The following ATP1A3 variants were observed in gnomAD, a reference collection of about 807,000 sequenced individuals.
ATP1A3 encodes the protein ATPase Na+/K+ transporting subunit alpha 3.
Under a neutral mutation model 108.8 loss-of-function variants are expected in ATP1A3, and 12 were observed. The ratio of observed to expected loss-of-function variants is 0.11; its 90% confidence interval spans 0.07 to 0.18. ATP1A3 has a LOEUF of 0.18. ATP1A3 is among the 10% of genes least tolerant of loss of function. The pLI is 1.00. For missense variants in ATP1A3, 498 were observed against 1,387.7 expected, an observed-to-expected ratio of 0.36 and a Z score of 10.19; for synonymous variants, 539 against 564.5, an observed-to-expected ratio of 0.95 and a Z score of 0.64.
intron 16 of ATP1A3, among the ~76,000 whole-genome samples, chr19:41,973,787 G>A (rs918433068): frequency 6.6e-6 from 1 of 152,264 alleles, no homozygotes; most frequent in Non-Finnish European, 1.5e-5. Flanking sequence ...CCAGCATGAT[G>A]CACAAGATTC....
rs782662538 is a variant in ATP1A3, at chr19:41,986,203, G to C, written c.384C>G (p.Ala128=). 2.5e-6 allele frequency: 4 copies of C among 1,613,896 alleles called. No individual in the cohort carries two copies. Among genetic ancestry groups the C allele is most frequent in the Non-Finnish European group, 2.5e-6 (3 of 1,180,002 alleles). ...DNLYLGIVLA[A]VVIITGCFSY... is the part of the protein sequence containing the mutation. ...AGAAGCAGCCAGTGATGATCACCAC[G>C]GCCGCCAGCACGATGCCCAGGTACA... The change falls in exon 5 of 23, where the codon GCC becomes GCG. Residue 128 remains alanine, a synonymous_variant. Coordinates refer to ENST00000648268, the MANE Select transcript of ATP1A3 (RefSeq NM_152296.5).
In ATP1A3 at chr19:41,974,538, T is replaced by C. The variant is rs960285211; in HGVS notation, c.2263+1091A>G. On this transcript the variant is annotated intron_variant, in intron 16 of 22. Coordinates refer to ENST00000648268, the MANE Select transcript of ATP1A3 (RefSeq NM_152296.5). ...ATAGGAGACAAGGGCTGAGGACATTTAATCTGTTACTCTGGGCTCGGCTTT... is the reference window on the plus strand; with the variant it reads ...ATAGGAGACAAGGGCTGAGGACATTCAATCTGTTACTCTGGGCTCGGCTTT... 2.0e-5 allele frequency among the ~76,000 whole-genome samples: 3 copies of C among 152,218 alleles called. No individual in the cohort carries two copies. The East Asian group carries it at 5.8e-4, about 29-fold the overall frequency.
chr19:41,990,531 G>A (rs183961049), intron 1 of ATP1A3, among the ~76,000 whole-genome samples: 29 of 124,990 alleles, frequency 2.3e-4, no homozygotes, highest in Admixed American at 1.4e-3. Context: ...CAAATCTTCC[G>A]TCCCCCTCCT....
In ATP1A3 at chr19:41,970,506, G is replaced by A; in HGVS notation, c.2300C>T (p.Ala767Val). ...LIFDNLKKSIAYTLTSNIPEI... is the reference protein window; with the variant it reads ...LIFDNLKKSIVYTLTSNIPEI... The stretch of plus-strand genomic sequence containing the variant: ...CGGGATATTGCTGGTCAGGGTGTAG[G>A]CAATGGACTTCTTTAGGTTGTCGAA... The change falls in exon 17 of 23, where the codon GCC becomes GTC. Residue 767 changes from alanine (A) to valine (V), a missense_variant. This residue lies in a region of ATP1A3 where 121 missense variants were observed against 425.1 expected (regional missense o/e 0.28). Coordinates refer to ENST00000648268, the MANE Select transcript of ATP1A3 (RefSeq NM_152296.5). 5 of 1,614,166 alleles carry A rather than the reference G, an allele frequency of 3.1e-6. No individual in the cohort carries two copies. Among genetic ancestry groups the A allele is most frequent in the Non-Finnish European group, 4.2e-6 (5 of 1,180,024 alleles).
At position 41,978,126 on chromosome 19, in the gene ATP1A3, C is replaced by T; in HGVS notation, c.1806+25G>A. 6.2e-7 allele frequency: 1 copy of T among 1,614,236 alleles called. No individual in the cohort carries two copies. Among genetic ancestry groups the T allele is most frequent in the Non-Finnish European group, 8.5e-7 (1 of 1,180,042 alleles). The stretch of plus-strand genomic sequence containing the variant: ...TCTCCCGCCCCACGCCTGGCTTTGC[C>T]TCCCCCAGCCACCCCAAGCCACACC... On this transcript the variant is annotated intron_variant, in intron 13 of 22. Transcript: ENST00000648268. The surrounding 1 kb of genome is among the most constrained non-coding windows in gnomAD (Gnocchi z 8.3).
chr19:41,967,522 G>A lies in ATP1A3; in HGVS notation c.2921+140C>T, dbSNP rs1168242503. ...GTAATCCGTGGTGGGAGCAGCCTAT[G>A]GGGGAGGCTCGGGGGCATCAGAATG... On this transcript the variant is annotated intron_variant, in intron 21 of 22. Coordinates refer to ENST00000648268, the MANE Select transcript of ATP1A3 (RefSeq NM_152296.5). This position sits in a 1 kb window ranked among gnomAD's most constrained non-coding sequence, Gnocchi z 4.2. 7 of 1,162,838 alleles carry A rather than the reference G, an allele frequency of 6.0e-6. No individual in the cohort carries two copies. Among genetic ancestry groups the A allele is most frequent in the Non-Finnish European group, 8.6e-6 (7 of 814,964 alleles). The allele number at this position is 1,162,838 out of a possible 1,614,324, so 72.0% of individuals were successfully genotyped here. A position where few individuals can be genotyped will look rare whatever the true frequency, so the allele number is the denominator to read the frequency against.
intron 8 of ATP1A3, among the ~76,000 whole-genome samples, chr19:41,983,402 A>G (rs1555864141): frequency 2.0e-5 from 3 of 151,796 alleles, no homozygotes; most frequent in Non-Finnish European, 4.4e-5. Context: ...TTCACATAAA[A>G]CATTAAGTCA....
rs2075233403 is a variant in ATP1A3 at position 41,981,675 on chromosome 19, G to C, written c.1303-39C>G. ...GGGTTGTCAGAACAGGGACAGCTGA[G>C]GGGAGGACACAGGCAGGGCCGAGGT... is the stretch of plus-strand genomic sequence containing the variant. On this transcript the variant is annotated intron_variant, in intron 10 of 22. Transcript: ENST00000648268. This position sits in a 1 kb window ranked among gnomAD's most constrained non-coding sequence, Gnocchi z 5.0. 1.2e-6 allele frequency: 2 copies of C among 1,614,162 alleles called. No homozygotes were observed. Among genetic ancestry groups the C allele is most frequent in the Non-Finnish European group, 1.7e-6 (2 of 1,180,008 alleles).
At chr19:41,972,868 A>C (rs1555860237) in intron 16 of ATP1A3, among the ~76,000 whole-genome samples, 1 of 119,482 alleles carries the variant, frequency 8.4e-6, no homozygotes, top group African/African-American at 3.8e-5. Context: ...GAAAGAAGGA[A>C]GGAAGGCAGG....
chr19:41,993,503 A>G (rs1322420268), intron 1 of ATP1A3: 11 of 2,086 alleles, frequency 5.3e-3, no homozygotes, highest in South Asian at 0.042. Context: ...CGGAGCCTGC[A>G]CACACACACA....
rs1555865439 is a variant in ATP1A3 at position 41,986,247 on chromosome 19, G to A, written c.358-18C>T. 1 of 1,612,814 alleles carries A rather than the reference G, an allele frequency of 6.2e-7. No individual in the cohort carries two copies. Among genetic ancestry groups the A allele is most frequent in the East Asian group, 2.2e-5 (1 of 44,856 alleles). On this transcript the variant is annotated intron_variant, in intron 4 of 22. Coordinates refer to ENST00000648268, the MANE Select transcript of ATP1A3 (RefSeq NM_152296.5). ...AGGTACAGCTGTGGGGAGATGTGGG[G>A]ATGTTGATCAGGGGCCGCCCAAGCC... is the stretch of plus-strand genomic sequence containing the variant.
In ATP1A3 at chr19:41,990,291, C is replaced by G. The variant is rs549672176; in HGVS notation, c.7-1729G>C. Among the ~76,000 whole-genome samples the G allele has an allele frequency of 2.6e-4, 40 of 151,630 alleles. 1 individual carries two copies. The South Asian group carries it at 8.2e-3, about 31-fold the overall frequency. ...TCTCTCTCTGGGATCTCCTCTCTATCTCTGAATCTCTCTTTCTCTCTCACT... is the reference window on the plus strand; with the variant it reads ...TCTCTCTCTGGGATCTCCTCTCTATGTCTGAATCTCTCTTTCTCTCTCACT... On this transcript the variant is annotated intron_variant, in intron 1 of 22. Coordinates refer to ENST00000648268, the MANE Select transcript of ATP1A3 (RefSeq NM_152296.5).
Position 41,994,090 on chromosome 19 carries a change from CG to C in ATP1A3, c.-15del. On this transcript the variant is annotated 5_prime_UTR_variant, in exon 1 of 23. Coordinates refer to ENST00000648268, the MANE Select transcript of ATP1A3 (RefSeq NM_152296.5). ...ACCTACCCCCATCTTGGCGGCTCCG[CG>C]GCGAGAGAGCCAGGCGGGCGGGGCG... The C allele has an allele frequency of 6.3e-7, 1 of 1,593,790 alleles. No homozygotes were observed. The highest frequency in any genetic ancestry group is 8.5e-7 in the Non-Finnish European group (1 of 1,173,248).
rs782429756 is a variant in ATP1A3 at position 41,981,883 on chromosome 19, G to A, written c.1192+25C>T. On this transcript the variant is annotated intron_variant, in intron 9 of 22. Coordinates refer to ENST00000648268, the MANE Select transcript of ATP1A3 (RefSeq NM_152296.5). This position sits in a 1 kb window ranked among gnomAD's most constrained non-coding sequence, Gnocchi z 5.0. ...GGACTCCTGGAGCCAGGCCCCCATG[G>A]TCCTCACCCGGGGCCTGCGCTCACC... The A allele has an allele frequency of 1.2e-6, 2 of 1,614,208 alleles. No individual in the cohort carries two copies. The highest frequency in any genetic ancestry group is 3.3e-5 in the Admixed American group (2 of 60,028).
intron 18 of ATP1A3, 151 bp downstream of exon 18, chr19:41,970,034 T>A: frequency 7.6e-7 from 1 of 1,311,220 alleles, no homozygotes; most frequent in Non-Finnish European, 1.1e-6. Context: ...AAGGATGGGG[T>A]GCAGACCCCC....
chr19:41,973,870 G>A (rs1194899963), intron 16 of ATP1A3, among the ~76,000 whole-genome samples: 12 of 152,238 alleles, frequency 7.9e-5, no homozygotes, highest in East Asian at 5.8e-4. Flanking sequence ...GAGGCCAGGC[G>A]TGGTGGCTCA....
At chr19:41,966,990 A>G (rs1428812294) in intron 22 of ATP1A3, 25 bp from the exon 23 acceptor site, 3 of 1,551,484 alleles carry the variant, frequency 1.9e-6, no homozygotes, top group African/African-American at 1.4e-5. Flanking sequence ...AAGGAAAGAA[A>G]GAGACAGAGT....
At position 41,966,915 on chromosome 19, in the gene ATP1A3, G is replaced by A. The variant is rs1285364074; in HGVS notation, c.*22C>T. On this transcript the variant is annotated 3_prime_UTR_variant, in exon 23 of 23. Coordinates refer to ENST00000648268, the MANE Select transcript of ATP1A3 (RefSeq NM_152296.5). Reference sequence around the variant, plus strand: ...TGGGCCTGGGGGACGGGGAAGAGATGGGCGATGTGGTGGGGCTGAGGTCAG... The same window carrying A: ...TGGGCCTGGGGGACGGGGAAGAGATAGGCGATGTGGTGGGGCTGAGGTCAG... 1.6e-5 allele frequency: 25 copies of A among 1,551,358 alleles called. No individual in the cohort carries two copies. In the Middle Eastern group the frequency reaches 5.0e-4, roughly 31 times the overall value.
At chr19:41,990,302 T>G (rs1568868116) in intron 1 of ATP1A3, among the ~76,000 whole-genome samples, 2 of 151,784 alleles carry the variant, frequency 1.3e-5, no homozygotes, top group Admixed American at 1.3e-4. Flanking sequence ...TCTGAATCTC[T>G]CTTTCTCTCT....
Sources: gnomAD v4.1 joint callset for allele counts (sites outside exome capture counted in the v4.1 genomes callset) on GRCh38, gnomAD v4.1.1 for gene constraint, gnomAD v4.1.1 regional missense constraint, Gnocchi (gnomAD v3.1) non-coding constraint, MANE v1.5 for transcripts, NCBI Gene and HGNC (gene_info 2026-07-23, HGNC 2026-07-21) for gene names.